EMSY: variants seen among roughly 807,000 people sequenced by gnomAD.
EMSY encodes EMSY transcriptional repressor, BRCA2 interacting.
A neutral mutation model predicts 134.6 loss-of-function variants in EMSY; 26 were observed. The observed-to-expected ratio is 0.19, with a 90% CI of 0.14 to 0.27. The LOEUF (loss-of-function observed/expected upper bound fraction) is 0.27, where lower values mean the gene tolerates loss of function less well. Ranked by LOEUF, EMSY falls within the 10% of genes least tolerant of loss-of-function variation. EMSY has a pLI of 1.00. For missense variants in EMSY, 1,305 were observed against 1,611.4 expected (o/e 0.81, Z 3.26); for synonymous variants, 579 against 577.8 (o/e 1.00, Z -0.03).
chr11:76,472,756 A>G (rs769410924), exon 8 of EMSY: 1 of 1,614,190 alleles, frequency 6.2e-7, no homozygotes, highest in Non-Finnish European at 8.5e-7. Context: ...CAGCAGTTCT[A>G]CACCATCACC....
rs1473504844 is a variant in EMSY at position 76,536,072 on chromosome 11, A to C, written c.2359+13A>C. On this transcript the variant is annotated intron_variant, in intron 15 of 20. Coordinates refer to ENST00000334736, the Ensembl canonical transcript of EMSY. ...CAACAGACAACAGGTATGAATTCAC[A>C]TGCTCAATTGAATGAAGCATGTTTT... is the stretch of plus-strand genomic sequence containing the variant. 1 of 1,505,564 alleles carries C rather than the reference A, an allele frequency of 6.6e-7. No individual in the cohort carries two copies. Among genetic ancestry groups the C allele is most frequent in the East Asian group, 2.4e-5 (1 of 42,262 alleles). The allele number at this position is 1,505,564 out of a possible 1,614,324, so 93.3% of individuals were successfully genotyped here.
intron 1 of EMSY, 135 bp from the exon 2 acceptor site, chr11:76,446,765 G>A (rs1269816907): frequency 1.8e-6 from 1 of 559,310 alleles, no homozygotes; most frequent in East Asian, 3.1e-5. Flanking sequence ...GGAAAGTGTG[G>A]TGGTGAGAAA....
intron 2 of EMSY, among the ~76,000 whole-genome samples, chr11:76,449,826 A>G (rs1347733246): frequency 2.0e-5 from 3 of 152,178 alleles, no homozygotes; most frequent in Non-Finnish European, 4.4e-5. Context: ...GTTGGATTTT[A>G]ATCACCTTGA....
exon 15 of EMSY, chr11:76,535,920 T>A (rs2136536084): frequency 6.4e-7 from 1 of 1,554,738 alleles, no homozygotes; most frequent in East Asian, 2.3e-5. Flanking sequence ...TTCATGTAAT[T>A]GCTTCCCGGC....
intron 9 of EMSY, among the ~76,000 whole-genome samples, chr11:76,510,495 G>A (rs1381473284): frequency 6.6e-6 from 1 of 152,196 alleles, no homozygotes; most frequent in Non-Finnish European, 1.5e-5. Flanking sequence ...CCTGCTTTAC[G>A]CACTGAGTGC....
At chr11:76,494,941 G>A (rs925233758) in intron 8 of EMSY, among the ~76,000 whole-genome samples, 2 of 152,060 alleles carry the variant, frequency 1.3e-5, no homozygotes, top group Admixed American at 1.3e-4. Context: ...TCACTATGTT[G>A]GCCAGGCTGG....
At chr11:76,489,895 G>A (rs1489891540) in intron 8 of EMSY, among the ~76,000 whole-genome samples, 2 of 152,092 alleles carry the variant, frequency 1.3e-5, no homozygotes, top group African/African-American at 2.4e-5. Flanking sequence ...ACAAGCCACC[G>A]TGCCCGGCCT....
chr11:76,536,589 G>A (rs1169690368), intron 15 of EMSY, among the ~76,000 whole-genome samples: 3 of 152,130 alleles, frequency 2.0e-5, no homozygotes, highest in Non-Finnish European at 2.9e-5. Flanking sequence ...GAGCTGTCAT[G>A]CAAAGTTGTC....
intron 10 of EMSY, among the ~76,000 whole-genome samples, chr11:76,513,793 T>G (rs1267393480): frequency 2.0e-5 from 3 of 152,170 alleles, no homozygotes; most frequent in Admixed American, 1.3e-4. Context: ...TTGATTTGTT[T>G]GATATTGTTC....
chr11:76,543,999 C>T (rs1220206364), intron 18 of EMSY, among the ~76,000 whole-genome samples: 1 of 152,154 alleles, frequency 6.6e-6, no homozygotes, highest in Non-Finnish European at 1.5e-5. Context: ...GCTTGCAGGG[C>T]CATCTTATTC....
exon 9 of EMSY, chr11:76,496,310 A>C: frequency 6.2e-7 from 1 of 1,614,160 alleles, no homozygotes; most frequent in Non-Finnish European, 8.5e-7. Flanking sequence ...ACAGTTCCCT[A>C]AACAACATCA....
At chr11:76,535,862 AG>A (rs776018492) in intron 14 of EMSY, 32 bp from the exon 16 acceptor site, 63 of 1,392,054 alleles carry the variant, frequency 4.5e-5, no homozygotes, top group Non-Finnish European at 4.0e-5. Flanking sequence ...CTTTGTTTAT[AG>A]GGTTTGTTTT....
intron 18 of EMSY, among the ~76,000 whole-genome samples, chr11:76,544,046 C>CTACTT (rs1951546904): frequency 6.6e-6 from 1 of 152,120 alleles, no homozygotes; most frequent in Non-Finnish European, 1.5e-5. Flanking sequence ...TAAGACTTTT[C>CTACTT]TTATAGTAGT....
chr11:76,508,343 CTTTT>C (rs35428460), intron 9 of EMSY, among the ~76,000 whole-genome samples: 1 of 147,242 alleles, frequency 6.8e-6, no homozygotes, highest in African/African-American at 2.5e-5. Flanking sequence ...TGAAAGGAAT[CTTTT>C]TTTTTTTTTA....
intron 11 of EMSY, chr11:76,516,898 G>A (rs1296538039): frequency 2.6e-5 from 4 of 152,062 alleles, no homozygotes; most frequent in African/African-American, 9.7e-5. Context: ...TACTTTAATA[G>A]TGAAAGCCAA....
chr11:76,472,704 T>A, exon 8 of EMSY: 2 of 1,614,234 alleles, frequency 1.2e-6, no homozygotes, highest in Non-Finnish European at 1.7e-6. Context: ...TTGTTATAAC[T>A]GCTTCACAGT....
chr11:76,496,523 T>C (rs1360482458), intron 9 of EMSY, 54 bp downstream of exon 10: 1 of 1,591,120 alleles, frequency 6.3e-7, no homozygotes, highest in Non-Finnish European at 8.6e-7. Flanking sequence ...CACCAGTTTT[T>C]TTAGTCTTCC....
chr11:76,445,945 G>A (rs1052170598), intron 1 of EMSY, among the ~76,000 whole-genome samples: 1 of 152,166 alleles, frequency 6.6e-6, no homozygotes, highest in African/African-American at 2.4e-5. Flanking sequence ...AGGGGGAGGG[G>A]GGCTCACCTC....
chr11:76,491,887 CT>C (rs1369324805), intron 8 of EMSY, among the ~76,000 whole-genome samples: 1 of 152,146 alleles, frequency 6.6e-6, no homozygotes, highest in Admixed American at 6.5e-5. Flanking sequence ...CACCAGATGG[CT>C]TTTGTATGGA....
Sources: gnomAD v4.1 joint callset for allele counts (sites outside exome capture counted in the v4.1 genomes callset) on GRCh38, gnomAD v4.1.1 for gene constraint, MANE v1.5 for transcripts, NCBI Gene and HGNC (gene_info 2026-07-23, HGNC 2026-07-21) for gene names.